The following HMGB1 variants were observed in gnomAD, a reference collection of about 807,000 sequenced individuals.
HMGB1 encodes the protein high mobility group protein B1.
For missense variants in HMGB1, 79 were observed against 253.5 expected (o/e 0.31, Z 4.67); for synonymous variants, 81 against 84.0 (o/e 0.96, Z 0.19).
intron 1 of HMGB1, among the ~76,000 whole-genome samples, chr13:30,586,479 G>GTTTTTTTGTTTTTTTTTTTTT (rs1871153733): frequency 9.5e-6 from 1 of 105,068 alleles, no homozygotes; most frequent in African/African-American, 3.1e-5. Context: ...GGTTTTTTTT[G>GTTTTTTTGTTTTTTTTTTTTT]TTTTTTTTTT....
intron 1 of HMGB1, among the ~76,000 whole-genome samples, chr13:30,504,730 A>G (rs538013986): frequency 6.6e-6 from 1 of 152,212 alleles, no homozygotes; most frequent in African/African-American, 2.4e-5. Flanking sequence ...GACAGGAGGA[A>G]TGAAGTTGAA....
At chr13:30,601,222 C>T (rs1291774384) in intron 1 of HMGB1, among the ~76,000 whole-genome samples, 1 of 152,202 alleles carries the variant, frequency 6.6e-6, no homozygotes, top group African/African-American at 2.4e-5. Flanking sequence ...CACCACCTAT[C>T]CCAAAACCTA....
intron 1 of HMGB1, among the ~76,000 whole-genome samples, chr13:30,578,365 G>GTTTTTTTTTTTTTTTT (rs1475312645): frequency 1.5e-5 from 1 of 67,074 alleles, no homozygotes; most frequent in Non-Finnish European, 3.0e-5. Context: ...ACCAGTTCTT[G>GTTTTTTTTTTTTTTTT]TTCTTTTTTT....
chr13:30,528,713 C>A (rs1321149015), intron 1 of HMGB1, among the ~76,000 whole-genome samples: 3 of 152,050 alleles, frequency 2.0e-5, no homozygotes, highest in Non-Finnish European at 2.9e-5. Flanking sequence ...GGGGAAACAT[C>A]CTCAACTGAA....
chr13:30,588,241 A>C (rs969911482), intron 1 of HMGB1, among the ~76,000 whole-genome samples: 1 of 152,256 alleles, frequency 6.6e-6, no homozygotes, highest in African/African-American at 2.4e-5. Context: ...ACAATGTATA[A>C]TTATACATAC....
chr13:30,512,369 G>C (rs1055000544), intron 1 of HMGB1, among the ~76,000 whole-genome samples: 12 of 152,158 alleles, frequency 7.9e-5, no homozygotes, highest in Non-Finnish European at 1.3e-4. Context: ...GGGAACCCAA[G>C]GAGTGAAAAG....
chr13:30,465,305 C>T (rs1332854966), intron 1 of HMGB1: 4 of 139,196 alleles, frequency 2.9e-5, no homozygotes, highest in South Asian at 2.2e-4. Context: ...GCCGCCCGCC[C>T]GGCTGGCCGC....
At chr13:30,604,841 G>T (rs960631913) in intron 1 of HMGB1, among the ~76,000 whole-genome samples, 1 of 152,102 alleles carries the variant, frequency 6.6e-6, no homozygotes, top group Non-Finnish European at 1.5e-5. Flanking sequence ...TGTATTTTTA[G>T]TACAGACAGG....
At chr13:30,576,808 C>A (rs1391557568) in intron 1 of HMGB1, among the ~76,000 whole-genome samples, 4 of 152,068 alleles carry the variant, frequency 2.6e-5, no homozygotes, top group Non-Finnish European at 4.4e-5. Flanking sequence ...ACCTGAGAGT[C>A]ATCCTAAACT....
chr13:30,550,880 C>G (rs1441506691), intron 1 of HMGB1, among the ~76,000 whole-genome samples: 1 of 152,158 alleles, frequency 6.6e-6, no homozygotes, highest in Non-Finnish European at 1.5e-5. Flanking sequence ...AGAAAACTAG[C>G]TGGTGGAAGA....
intron 1 of HMGB1, among the ~76,000 whole-genome samples, chr13:30,588,975 T>C (rs532138037): frequency 4.6e-5 from 7 of 151,502 alleles, no homozygotes; most frequent in African/African-American, 1.5e-4. Flanking sequence ...ATATATGGCC[T>C]CTAATTGTAA....
At chr13:30,615,393 A>G (rs1055975450) in intron 1 of HMGB1, among the ~76,000 whole-genome samples, 1 of 152,234 alleles carries the variant, frequency 6.6e-6, no homozygotes, top group African/African-American at 2.4e-5. Flanking sequence ...GTTACAGGGT[A>G]TATAAACCAT....
In HMGB1 at chr13:30,463,691, T is replaced by A. The variant is rs773572728; in HGVS notation, c.-11A>T. 1.3e-6 allele frequency: 2 copies of A among 1,533,078 alleles called. No individual in the cohort carries two copies. The highest frequency in any genetic ancestry group is 1.8e-6 in the Non-Finnish European group (2 of 1,140,076). 95.0% of individuals were successfully genotyped at this position (1,533,078 alleles called of 1,614,324 possible). A position where few individuals can be genotyped will look rare whatever the true frequency, so the allele number is the denominator to read the frequency against. ...ATCTCCTTTGCCCATGTTTAGTTAT[T>A]TTTCTAAAAAATAAAATAAATATTT... is the stretch of plus-strand genomic sequence containing the variant. On this transcript the variant is annotated 5_prime_UTR_variant, in exon 2 of 5. Transcript: ENST00000341423.
intron 1 of HMGB1, among the ~76,000 whole-genome samples, chr13:30,557,873 T>A (rs1384682666): frequency 2.0e-5 from 3 of 152,194 alleles, no homozygotes; most frequent in Non-Finnish European, 2.9e-5. Flanking sequence ...AGAATAGACT[T>A]GAACCTCATG....
Position 30,464,262 on chromosome 13 carries a change from C to T in HMGB1, c.-14-568G>A, listed in dbSNP as rs539624791. On this transcript the variant is annotated intron_variant, in intron 1 of 4. Coordinates refer to ENST00000341423, the MANE Select transcript of HMGB1 (RefSeq NM_002128.7). ...TGCTCGGAACCCGGTTGGGGGGTGG[C>T]GGTGCCACCGCGAGGCAGCCTCGTT... is the stretch of plus-strand genomic sequence containing the variant. 5 of 985,516 alleles carry T rather than the reference C, an allele frequency of 5.1e-6. No homozygotes were observed. In the East Asian group the frequency reaches 3.4e-4, roughly 67 times the overall value. 61.0% of individuals were successfully genotyped at this position (985,516 alleles called of 1,614,324 possible).
chr13:30,507,030 G>T (rs931028041), intron 1 of HMGB1, among the ~76,000 whole-genome samples: 19 of 152,196 alleles, frequency 1.2e-4, no homozygotes, highest in African/African-American at 4.6e-4. Flanking sequence ...CAGGGTGCTT[G>T]CCTCCTTGTT....
chr13:30,514,634 T>G (rs1888063215), intron 1 of HMGB1, among the ~76,000 whole-genome samples: 1 of 152,102 alleles, frequency 6.6e-6, no homozygotes, highest in Admixed American at 6.6e-5. Context: ...CACTTTTTGT[T>G]TAGTTTTTTT....
At chr13:30,585,797 C>T (rs779984060) in intron 1 of HMGB1, among the ~76,000 whole-genome samples, 7 of 152,186 alleles carry the variant, frequency 4.6e-5, no homozygotes, top group South Asian at 2.1e-4. Flanking sequence ...CATGAATACA[C>T]GTATGTAAAC....
chr13:30,462,838 A>G (rs890949959), intron 3 of HMGB1, 126 bp from the exon 4 acceptor site: 37 of 697,462 alleles, frequency 5.3e-5, no homozygotes, highest in African/African-American at 4.5e-4. Context: ...CAGGGTGCAA[A>G]TACTATAATA....
Sources: gnomAD v4.1 joint callset for allele counts (sites outside exome capture counted in the v4.1 genomes callset) on GRCh38, gnomAD v4.1.1 for gene constraint, MANE v1.5 for transcripts, NCBI Gene and HGNC (gene_info 2026-07-23, HGNC 2026-07-21) for gene names.